The following SAMD8 variants were observed in gnomAD, a reference collection of about 807,000 sequenced individuals.
SAMD8 encodes the protein sterile alpha motif domain containing 8.
In SAMD8, 20 loss-of-function variants were observed where a neutral mutation model predicts 42.0. That is an observed-to-expected ratio of 0.48 (90% confidence interval 0.34 to 0.69). The LOEUF (loss-of-function observed/expected upper bound fraction) is 0.69, where lower values mean the gene tolerates loss of function less well. Ranked by LOEUF, SAMD8 falls within the 30% of genes least tolerant of loss-of-function variation. The pLI, the probability that SAMD8 is intolerant of heterozygous loss-of-function variation, is 0.01. For synonymous variants in SAMD8, 162 were observed against 173.0 expected, an observed-to-expected ratio of 0.94 and a Z score of 0.50; for missense variants, 328 against 511.6, an observed-to-expected ratio of 0.64 and a Z score of 3.46.
intron 1 of SAMD8, among the ~76,000 whole-genome samples, chr10:75,146,082 C>T (rs1353098301): frequency 6.6e-6 from 1 of 152,070 alleles, no homozygotes; most frequent in Non-Finnish European, 1.5e-5. Flanking sequence ...CCCATAAACA[C>T]TAGCCATCTT....
At chr10:75,171,160 CTTTTTTTTTTTTT>C (rs1003923090) in intron 4 of SAMD8, among the ~76,000 whole-genome samples, 3 of 68,516 alleles carry the variant, frequency 4.4e-5, no homozygotes, top group South Asian at 6.8e-4. Flanking sequence ...CTTTCTTTTT[CTTTTTTTTTTTTT>C]TTTTTTTTTT....
intron 1 of SAMD8, among the ~76,000 whole-genome samples, chr10:75,106,301 C>A (rs984150423): frequency 4.6e-5 from 7 of 151,860 alleles, no homozygotes; most frequent in Non-Finnish European, 8.8e-5. Context: ...GATTGTCCCT[C>A]CCCCACCTTC....
intron 2 of SAMD8, among the ~76,000 whole-genome samples, chr10:75,163,473 C>A (rs931515300): frequency 6.6e-6 from 1 of 151,984 alleles, no homozygotes; most frequent in African/African-American, 2.4e-5. Context: ...CTGGTTCTGT[C>A]GCCTAGGTTG....
At chr10:75,169,385 T>C (rs575039101) in intron 4 of SAMD8, among the ~76,000 whole-genome samples, 58 of 147,146 alleles carry the variant, frequency 3.9e-4, no homozygotes, top group African/African-American at 1.4e-3. Context: ...CTCGGGAGGC[T>C]GAGGTTCAAT....
chr10:75,109,320 C>T (rs1848707137), upstream of SAMD8: 1 of 648,482 alleles, frequency 1.5e-6, no homozygotes, highest in South Asian at 2.9e-5. Flanking sequence ...CCCAAGCCTC[C>T]CCCCACCCCC....
intron 3 of SAMD8, among the ~76,000 whole-genome samples, chr10:75,167,082 G>T (rs1337930224): frequency 6.6e-6 from 1 of 152,124 alleles, no homozygotes; most frequent in African/African-American, 2.4e-5. Flanking sequence ...CAACAGTACT[G>T]GTGTTGTCAC....
intron 1 of SAMD8, among the ~76,000 whole-genome samples, chr10:75,128,693 G>A (rs1849202710): frequency 1.3e-5 from 2 of 152,156 alleles, no homozygotes; most frequent in Admixed American, 1.3e-4. Context: ...ATGAAGATAG[G>A]TTTGTGGTTA....
upstream of SAMD8, chr10:75,107,947 C>A: frequency 6.4e-7 from 1 of 1,564,774 alleles, no homozygotes; most frequent in Non-Finnish European, 8.7e-7. Flanking sequence ...GCATCCTCCC[C>A]ATGAATGAGC....
chr10:75,166,615 A>G (rs959710451), intron 3 of SAMD8, among the ~76,000 whole-genome samples: 1 of 152,162 alleles, frequency 6.6e-6, no homozygotes, highest in Non-Finnish European at 1.5e-5. Context: ...CTTTTAGGCC[A>G]CATTGAGCCA....
At chr10:75,107,775 C>T (rs568473399), upstream of SAMD8, among the ~76,000 whole-genome samples, 88 of 152,276 alleles carry the variant, frequency 5.8e-4, no homozygotes, top group South Asian at 1.5e-3. Context: ...CGAGGTTTCA[C>T]CGTGTTGGCC....
At chr10:75,151,787 A>G (rs935904254) in intron 2 of SAMD8, among the ~76,000 whole-genome samples, 2 of 152,156 alleles carry the variant, frequency 1.3e-5, no homozygotes, top group South Asian at 4.1e-4. Flanking sequence ...CCCTGGTTCA[A>G]GCCATTCCCC....
intron 4 of SAMD8, among the ~76,000 whole-genome samples, chr10:75,169,736 G>A (rs1277721888): frequency 5.9e-5 from 9 of 152,052 alleles, no homozygotes; most frequent in African/African-American, 2.2e-4. Flanking sequence ...CCAACATGGT[G>A]CAGTCTACTA....
chr10:75,103,414 C>G (rs1367748009), intron 1 of SAMD8, among the ~76,000 whole-genome samples: 4 of 152,170 alleles, frequency 2.6e-5, no homozygotes, highest in African/African-American at 9.7e-5. Context: ...GTGTCCAGGG[C>G]CACTCCCACC....
chr10:75,136,061 C>G (rs1269046774), intron 1 of SAMD8, among the ~76,000 whole-genome samples: 1 of 150,226 alleles, frequency 6.7e-6, no homozygotes, highest in African/African-American at 2.5e-5. Flanking sequence ...TGCTACTTTT[C>G]TTTTCTTTTC....
rs184411427 is a variant in SAMD8, at chr10:75,143,751, T to G, written c.-15-6763T>G. On this transcript the variant is annotated intron_variant, in intron 1 of 5. Coordinates refer to ENST00000542569, the MANE Select transcript of SAMD8 (RefSeq NM_001174156.2). ...TGCCTTGGTATAGCTTTCTTCTTGTTTCTTATTTTTGGAGTTTGTTAAGCT... is the reference window on the plus strand; with the variant it reads ...TGCCTTGGTATAGCTTTCTTCTTGTGTCTTATTTTTGGAGTTTGTTAAGCT... Among the ~76,000 whole-genome samples the G allele has an allele frequency of 1.5e-4, 23 of 152,206 alleles. No individual in the cohort carries two copies. In the East Asian group the frequency reaches 4.1e-3, roughly 27 times the overall value.
intron 1 of SAMD8, among the ~76,000 whole-genome samples, chr10:75,113,177 A>G (rs1225846946): frequency 6.6e-6 from 1 of 152,214 alleles, no homozygotes; most frequent in Non-Finnish European, 1.5e-5. Flanking sequence ...TCCAAAACAT[A>G]ATTATGCCAG....
At chr10:75,151,698 ATT>A (rs1231736695) in intron 2 of SAMD8, among the ~76,000 whole-genome samples, 1 of 142,154 alleles carries the variant, frequency 7.0e-6, no homozygotes, top group Non-Finnish European at 1.5e-5. Context: ...GGTACTTTAG[ATT>A]TTTTGAGACA....
chr10:75,104,552 C>T (rs952524673), intron 1 of SAMD8, among the ~76,000 whole-genome samples: 5 of 152,150 alleles, frequency 3.3e-5, no homozygotes, highest in East Asian at 3.8e-4. Flanking sequence ...GGGCATGGTC[C>T]GAGATCTGAT....
intron 1 of SAMD8, among the ~76,000 whole-genome samples, chr10:75,120,011 T>C (rs1848968470): frequency 6.6e-6 from 1 of 152,128 alleles, no homozygotes; most frequent in African/African-American, 2.4e-5. Context: ...GAGGTTGCAG[T>C]GAGCCGAGAT....
Sources: gnomAD v4.1 joint callset for allele counts (sites outside exome capture counted in the v4.1 genomes callset) on GRCh38, gnomAD v4.1.1 for gene constraint, MANE v1.5 for transcripts, NCBI Gene and HGNC (gene_info 2026-07-23, HGNC 2026-07-21) for gene names.